Variants in SPTBN4 observed in about 807,000 individuals in gnomAD.
SPTBN4 encodes the protein spectrin beta, non-erythrocytic 4, also known as spectrin beta chain, non-erythrocytic 4.
A neutral mutation model predicts 277.8 loss-of-function variants in SPTBN4; 96 were observed. The observed-to-expected ratio is 0.35, with a 90% CI of 0.29 to 0.41. SPTBN4 has a LOEUF of 0.41. SPTBN4 is among the 10% of genes least tolerant of loss of function. SPTBN4 has a pLI of 1.00. For synonymous variants in SPTBN4, 1,481 were observed against 1,580.3 expected, an observed-to-expected ratio of 0.94 and a Z score of 1.49; for missense variants, 3,006 against 3,595.7, an observed-to-expected ratio of 0.84 and a Z score of 4.19.
intron 32 of SPTBN4, among the ~76,000 whole-genome samples, chr19:40,569,936 C>CCACA (rs60074818): frequency 0.12 from 16,112 of 131,318 alleles, 1,104 homozygotes; most frequent in Admixed American, 0.17. Context: ...TACTGCCCCT[C>CCACA]CACACACACA....
chr19:40,510,098 G>A (rs57354291), intron 13 of SPTBN4, among the ~76,000 whole-genome samples: 2,771 of 152,160 alleles, frequency 0.018, 33 homozygotes, highest in East Asian at 0.054. Flanking sequence ...GGGAGGCAGC[G>A]CTTCCTGATG....
chr19:40,479,074 C>T (rs1435679388), intron 2 of SPTBN4, among the ~76,000 whole-genome samples: 1 of 152,042 alleles, frequency 6.6e-6, no homozygotes, highest in African/African-American at 2.4e-5. Context: ...TTTTGCATCC[C>T]TTTGCCCAGC....
intron 2 of SPTBN4, among the ~76,000 whole-genome samples, chr19:40,481,575 A>G (rs892847756): frequency 1.3e-5 from 2 of 151,998 alleles, no homozygotes; most frequent in Non-Finnish European, 2.9e-5. Context: ...TCCTGAGTTC[A>G]AGCAATTCTC....
In SPTBN4 at chr19:40,504,004, G is replaced by A. The variant is rs375046488; in HGVS notation, c.1537G>A (p.Val513Ile). 1.3e-4 allele frequency: 216 copies of A among 1,614,004 alleles called. 2 individuals carry two copies. In the South Asian group the frequency reaches 2.0e-3, roughly 15 times the overall value. ...IRRVAAQRDS[V>I]LRQWALLTGL... ...GCGGGTGGCAGCCCAGCGTGACAGCGTCCTGCGCCAGTGGGCCCTGCTAAC... is the reference window on the plus strand; with the variant it reads ...GCGGGTGGCAGCCCAGCGTGACAGCATCCTGCGCCAGTGGGCCCTGCTAAC... Residue 513 changes from valine to isoleucine, a missense_variant, in exon 12 of 36, where the codon GTC (valine) becomes ATC (isoleucine). By Grantham distance (29) the Val-to-Ile change is conservative (BLOSUM62 3). Transcript: ENST00000598249.
At chr19:40,511,905 C>T (rs754717733) in intron 13 of SPTBN4, among the ~76,000 whole-genome samples, 5 of 152,148 alleles carry the variant, frequency 3.3e-5, no homozygotes, top group Admixed American at 6.5e-5. Flanking sequence ...GGGTGGATCA[C>T]TGGAGGTCAG....
chr19:40,556,996 A>ACCT (rs2080986475), intron 25 of SPTBN4, 27 bp from the exon 26 acceptor site: 1 of 1,363,604 alleles, frequency 7.3e-7, no homozygotes, highest in African/African-American at 1.6e-5. Flanking sequence ...ACTTTGCTGT[A>ACCT]CCCCCCCCCC....
chr19:40,534,497 C>A, intron 20 of SPTBN4, 154 bp downstream of exon 20: 1 of 1,011,948 alleles, frequency 9.9e-7, no homozygotes, highest in Non-Finnish European at 1.4e-6. Context: ...TGAAGCAATC[C>A]AGCTAGTAAT....
At chr19:40,548,583 CA>C (rs2080882493) in intron 20 of SPTBN4, among the ~76,000 whole-genome samples, 1 of 151,948 alleles carries the variant, frequency 6.6e-6, no homozygotes, top group South Asian at 2.1e-4. Context: ...GGCATGATGG[CA>C]GGTGCCTGTA....
Position 40,501,910 on chromosome 19 carries a change from C to T in SPTBN4, c.785-11C>T. The stretch of plus-strand genomic sequence containing the variant: ...CCACTGTCTTGTTTCCCCACTCCCT[C>T]TTGCTTCCAGATGTGAACATGGAGG... On this transcript the variant is annotated splice_polypyrimidine_tract_variant and intron_variant, in intron 7 of 35. Transcript: ENST00000598249. 1 of 1,613,270 alleles carries T rather than the reference C, an allele frequency of 6.2e-7. No homozygotes were observed. Among genetic ancestry groups the T allele is most frequent in the South Asian group, 1.1e-5 (1 of 91,058 alleles).
At chr19:40,544,440 CTTTTTTTTTTTT>C (rs3071333) in intron 20 of SPTBN4, among the ~76,000 whole-genome samples, 1 of 51,746 alleles carries the variant, frequency 1.9e-5, no homozygotes, top group African/African-American at 9.0e-5. Flanking sequence ...TTGTGCCCGG[CTTTTTTTTTTTT>C]TTTTTTTTTT....
intron 4 of SPTBN4, 106 bp from the exon 5 acceptor site, chr19:40,492,857 A>C: frequency 2.2e-6 from 2 of 917,274 alleles, no homozygotes; most frequent in Non-Finnish European, 1.7e-6. Flanking sequence ...TGCCTCCCCC[A>C]TCTCCTCTGT....
At chr19:40,505,306 C>T (rs900109536) in intron 12 of SPTBN4, among the ~76,000 whole-genome samples, 3 of 147,518 alleles carry the variant, frequency 2.0e-5, no homozygotes, top group South Asian at 2.2e-4. Flanking sequence ...ATCGCTTGAG[C>T]CCAGGAGGTT....
chr19:40,522,957 C>T (rs1402143375), intron 16 of SPTBN4, among the ~76,000 whole-genome samples: 1 of 152,024 alleles, frequency 6.6e-6, no homozygotes, highest in East Asian at 2.0e-4. Flanking sequence ...CATGGTGAAA[C>T]CCCGTCTCTA....
chr19:40,488,127 G>A lies in SPTBN4; in HGVS notation c.321+279G>A, dbSNP rs145377308. 2.0e-3 allele frequency among the ~76,000 whole-genome samples: 304 copies of A among 152,238 alleles called. 1 individual carries two copies. The highest frequency in any genetic ancestry group is 6.8e-3 in the African/African-American group (283 of 41,536). On this transcript the variant is annotated intron_variant, in intron 3 of 35. Coordinates refer to ENST00000598249, the MANE Select transcript of SPTBN4 (RefSeq NM_020971.3). ...GGCGGGGCTTCGGTGGAAGGGGCCG[G>A]GCTCTGTTGCAAGGGGCAGGGCTAT...
intron 27 of SPTBN4, among the ~76,000 whole-genome samples, chr19:40,562,853 T>C (rs1467757129): frequency 6.6e-6 from 1 of 151,170 alleles, no homozygotes; most frequent in East Asian, 2.0e-4. Flanking sequence ...AAAAATTAAA[T>C]ATACAGGGAA....
intron 6 of SPTBN4, among the ~76,000 whole-genome samples, chr19:40,496,123 G>A (rs531506930): frequency 4.6e-5 from 7 of 152,234 alleles, no homozygotes; most frequent in East Asian, 1.9e-4. Context: ...CAGTGTGTCC[G>A]ATCCACCTAT....
At chr19:40,553,210 T>C (rs1053320618) in intron 22 of SPTBN4, among the ~76,000 whole-genome samples, 2 of 152,232 alleles carry the variant, frequency 1.3e-5, no homozygotes, top group African/African-American at 4.8e-5. Flanking sequence ...CCGGGCACAG[T>C]GGCTCATGCT....
intron 20 of SPTBN4, among the ~76,000 whole-genome samples, chr19:40,536,801 A>G (rs1379181239): frequency 6.6e-6 from 1 of 152,060 alleles, no homozygotes; most frequent in Non-Finnish European, 1.5e-5. Flanking sequence ...TTATTTAGTT[A>G]TTTGAGCCAG....
chr19:40,469,326 A>C (rs899020555), intron 1 of SPTBN4, among the ~76,000 whole-genome samples: 2 of 151,680 alleles, frequency 1.3e-5, no homozygotes, highest in Non-Finnish European at 1.5e-5. Context: ...GTTTAGTGGC[A>C]CAATCTCGGC....
Sources: allele counts gnomAD v4.1 joint callset (sites outside exome capture counted in the v4.1 genomes callset), GRCh38; gene constraint gnomAD v4.1.1; transcripts MANE v1.5; gene names NCBI Gene and HGNC (gene_info 2026-07-23, HGNC 2026-07-21).